Variants in GRIN3A observed in about 807,000 individuals in gnomAD.
The protein encoded by GRIN3A is glutamate ionotropic receptor NMDA type subunit 3A.
A neutral mutation model predicts 92.4 loss-of-function variants in GRIN3A; 47 were observed. The observed-to-expected ratio is 0.51, with a 90% CI of 0.40 to 0.65. The LOEUF is 0.65. Among genes scored for constraint, GRIN3A ranks in the 30% least tolerant of loss-of-function variants. GRIN3A has a pLI of 0.00. For missense variants in GRIN3A, 1,324 were observed against 1,393.1 expected (o/e 0.95, Z 0.79); for synonymous variants, 527 against 540.6 (o/e 0.97, Z 0.35).
intron 3 of GRIN3A, among the ~76,000 whole-genome samples, chr9:101,634,345 A>G (rs1828754857): frequency 6.6e-6 from 1 of 150,582 alleles, no homozygotes; most frequent in African/African-American, 2.4e-5. Context: ...AAAAAAAAAA[A>G]AAAAAAAGAA....
At chr9:101,714,949 T>C (rs981086034) in intron 1 of GRIN3A, among the ~76,000 whole-genome samples, 15 of 152,140 alleles carry the variant, frequency 9.9e-5, no homozygotes, top group Admixed American at 4.6e-4. Context: ...TAAAGTGATA[T>C]CTAAGTGAGT....
intron 6 of GRIN3A, among the ~76,000 whole-genome samples, chr9:101,603,376 G>A (rs942187706): frequency 4.6e-5 from 7 of 152,178 alleles, no homozygotes; most frequent in African/African-American, 1.7e-4. Context: ...CAAGCCAGGT[G>A]TTCGCCATAA....
chr9:101,712,589 A>G (rs983191953), intron 1 of GRIN3A, among the ~76,000 whole-genome samples: 8 of 152,212 alleles, frequency 5.3e-5, no homozygotes, highest in African/African-American at 1.9e-4. Flanking sequence ...TAAGATTCCA[A>G]TAAAATGCAG....
At chr9:101,736,293 T>A (rs1385400610) in intron 1 of GRIN3A, among the ~76,000 whole-genome samples, 1 of 152,196 alleles carries the variant, frequency 6.6e-6, no homozygotes, top group African/African-American at 2.4e-5. Flanking sequence ...CATAGATACT[T>A]TGTGCAAGGC....
At chr9:101,611,936 G>A (rs1453580021) in intron 6 of GRIN3A, among the ~76,000 whole-genome samples, 1 of 152,190 alleles carries the variant, frequency 6.6e-6, no homozygotes, top group African/African-American at 2.4e-5. Context: ...AGTATTTGAG[G>A]AAGAGGAGGC....
chr9:101,684,501 T>A (rs1829506129), intron 2 of GRIN3A, among the ~76,000 whole-genome samples: 2 of 152,070 alleles, frequency 1.3e-5, no homozygotes, highest in Admixed American at 1.3e-4. Flanking sequence ...CTTAACAGAA[T>A]TTATATTCTA....
chr9:101,673,408 A>G (rs1299609320), intron 2 of GRIN3A, among the ~76,000 whole-genome samples: 2 of 152,142 alleles, frequency 1.3e-5, no homozygotes, highest in Non-Finnish European at 2.9e-5. Flanking sequence ...GAATATCTCC[A>G]GTTTTCCCAG....
intron 1 of GRIN3A, among the ~76,000 whole-genome samples, chr9:101,734,297 G>T (rs1297801037): frequency 6.6e-6 from 1 of 152,198 alleles, no homozygotes; most frequent in Non-Finnish European, 1.5e-5. Flanking sequence ...AAGGTTATAA[G>T]AATAGAATTT....
intron 2 of GRIN3A, among the ~76,000 whole-genome samples, chr9:101,671,744 A>T (rs964336688): frequency 1.3e-5 from 2 of 152,164 alleles, no homozygotes; most frequent in Admixed American, 1.3e-4. Context: ...CCATGGAACA[A>T]AGGAAAAGAT....
At chr9:101,662,154 G>A (rs1277468668) in intron 3 of GRIN3A, among the ~76,000 whole-genome samples, 2 of 151,790 alleles carry the variant, frequency 1.3e-5, no homozygotes, top group Non-Finnish European at 1.5e-5. Context: ...ACAAAGTCAG[G>A]AATGATGCTT....
chr9:101,628,481 A>T, intron 3 of GRIN3A, 80 bp from the exon 4 acceptor site: 2 of 1,418,720 alleles, frequency 1.4e-6, no homozygotes, highest in Non-Finnish European at 2.0e-6. Context: ...TAATTCTTTG[A>T]AACTTAATAA....
chr9:101,734,663 A>T (rs1397989206), intron 1 of GRIN3A, among the ~76,000 whole-genome samples: 8 of 151,954 alleles, frequency 5.3e-5, no homozygotes, highest in African/African-American at 1.2e-4. Context: ...TTGTGGCAGG[A>T]TGTTACCAAA....
At chr9:101,652,618 T>C (rs1046174277) in intron 3 of GRIN3A, among the ~76,000 whole-genome samples, 3 of 151,980 alleles carry the variant, frequency 2.0e-5, no homozygotes, top group Non-Finnish European at 4.4e-5. Flanking sequence ...CAGTAAGCCC[T>C]GTATAATGCC....
intron 3 of GRIN3A, among the ~76,000 whole-genome samples, chr9:101,628,779 A>T (rs1015543270): frequency 6.6e-6 from 1 of 152,252 alleles, no homozygotes; most frequent in South Asian, 2.1e-4. Context: ...TTAGAATAAC[A>T]TAAAGGCCAA....
chr9:101,605,765 C>T (rs1469708529), intron 6 of GRIN3A, among the ~76,000 whole-genome samples: 4 of 152,180 alleles, frequency 2.6e-5, no homozygotes, highest in Non-Finnish European at 5.9e-5. Context: ...TGGACTGTTT[C>T]AAAATATGCT....
rs776368641 is a variant in GRIN3A at position 101,670,046 on chromosome 9, A to G, written c.2352+14T>C. 39 of 1,571,646 alleles carry G rather than the reference A, an allele frequency of 2.5e-5. No homozygotes were observed. In the South Asian group the frequency reaches 4.2e-4, roughly 17 times the overall value. On this transcript the variant is annotated intron_variant, in intron 3 of 8. Transcript: ENST00000361820. ...ATGGACAATCAAGAAAGCTAAAGTAAAATGAAGTATTACCTTGGGGTCATG... is the reference window on the plus strand; with the variant it reads ...ATGGACAATCAAGAAAGCTAAAGTAGAATGAAGTATTACCTTGGGGTCATG...
chr9:101,693,244 A>AATATATATATAT (rs3082770), intron 1 of GRIN3A, among the ~76,000 whole-genome samples: 2 of 128,416 alleles, frequency 1.6e-5, no homozygotes, highest in African/African-American at 7.2e-5. Context: ...TCTCAGCTAA[A>AATATATATATAT]ATATATATAT....
chr9:101,731,611 C>A (rs1830140284), intron 1 of GRIN3A, among the ~76,000 whole-genome samples: 1 of 152,138 alleles, frequency 6.6e-6, no homozygotes, highest in African/African-American at 2.4e-5. Context: ...CTTTCAATGT[C>A]AAAGTTTACT....
intron 5 of GRIN3A, among the ~76,000 whole-genome samples, chr9:101,617,248 A>G (rs1293514776): frequency 6.6e-6 from 1 of 150,628 alleles, no homozygotes; most frequent in Non-Finnish European, 1.5e-5. Flanking sequence ...GGAACAAGAG[A>G]TTGGTACCAG....
Sources: allele counts gnomAD v4.1 joint callset (sites outside exome capture counted in the v4.1 genomes callset), GRCh38; gene constraint gnomAD v4.1.1; transcripts MANE v1.5; gene names NCBI Gene and HGNC (gene_info 2026-07-23, HGNC 2026-07-21).